ELP4: variants seen among roughly 807,000 people sequenced by gnomAD.
ELP4 encodes the protein elongator acetyltransferase complex subunit 4, also known as elongator complex protein 4.
A neutral mutation model predicts 48.9 loss-of-function variants in ELP4; 51 were observed. That is an observed-to-expected ratio of 1.04 (90% confidence interval 0.83 to 1.32). The LOEUF (loss-of-function observed/expected upper bound fraction) is 1.32, where lower values mean the gene tolerates loss of function less well. ELP4 is among the 40% of genes most tolerant of loss of function. The pLI, the probability that ELP4 is intolerant of heterozygous loss-of-function variation, is 0.00. For synonymous variants in ELP4, 210 were observed against 189.2 expected (o/e 1.11, Z -0.90); for missense variants, 519 against 514.6 (o/e 1.01, Z -0.08).
chr11:31,732,628 G>C (rs1947217241), intron 9 of ELP4, among the ~76,000 whole-genome samples: 1 of 152,108 alleles, frequency 6.6e-6, no homozygotes, highest in African/African-American at 2.4e-5. Flanking sequence ...GGCTGAATGA[G>C]TTTTAAAAAT....
At chr11:31,676,515 A>G (rs1214218760) in intron 9 of ELP4, among the ~76,000 whole-genome samples, 1 of 152,330 alleles carries the variant, frequency 6.6e-6, no homozygotes, top group East Asian at 1.9e-4. Context: ...AGTATCTTAC[A>G]TACGATAAGG....
intron 1 of ELP4, 49 bp from the exon 2 acceptor site, chr11:31,520,007 G>A (rs1956187055): frequency 3.1e-6 from 5 of 1,591,760 alleles, no homozygotes; most frequent in Non-Finnish European, 4.3e-6. Context: ...TATGCTAAAG[G>A]TAATGGAAAA....
At chr11:31,633,617 G>C (rs1025841672) in intron 7 of ELP4, 3 of 151,932 alleles carry the variant, frequency 2.0e-5, no homozygotes, top group Non-Finnish European at 4.4e-5. Flanking sequence ...AATCATGCTA[G>C]ACATTGTATA....
intron 7 of ELP4, among the ~76,000 whole-genome samples, chr11:31,639,504 T>G (rs1405162315): frequency 1.3e-5 from 2 of 151,912 alleles, no homozygotes; most frequent in African/African-American, 4.8e-5. Flanking sequence ...ACCCGGTTAA[T>G]TTTTAAAGTC....
intron 9 of ELP4, among the ~76,000 whole-genome samples, chr11:31,672,478 G>A (rs1461420790): frequency 6.6e-6 from 1 of 152,116 alleles, no homozygotes; most frequent in Non-Finnish European, 1.5e-5. Context: ...GATTTTTATT[G>A]AGCATATGTG....
In ELP4 at chr11:31,786,934, C is replaced by G. The variant is rs1948680528; in HGVS notation, c.*3410C>G. 2 of 220,204 alleles carry G rather than the reference C, an allele frequency of 9.1e-6. No individual in the cohort carries two copies. Among genetic ancestry groups the G allele is most frequent in the African/African-American group, 4.5e-5 (2 of 44,632 alleles). 13.6% of individuals were successfully genotyped at this position (220,204 alleles called of 1,614,324 possible). A position where few individuals can be genotyped will look rare whatever the true frequency, so the allele number is the denominator to read the frequency against. On this transcript the variant is annotated 3_prime_UTR_variant, in exon 10 of 10. Transcript: ENST00000640961. ...TTTAGTCCTGGGATTCTACTGAAGT[C>G]TTCACAAATAATCTCCATCCTGGAA... is the stretch of plus-strand genomic sequence containing the variant.
chr11:31,594,889 A>G lies in ELP4; in HGVS notation c.501A>G (p.Leu167=), dbSNP rs781242171. The G allele has an allele frequency of 5.1e-6, 8 of 1,557,124 alleles. No individual in the cohort carries two copies. The Admixed American group carries it at 6.6e-5, about 13-fold the overall frequency. Residue 167 remains leucine, a synonymous_variant, in exon 4 of 10, where the codon TTA becomes TTG. Transcript: ENST00000640961. ...KMKIAWRYQL[L]PKMEIGPVSS... is the part of the protein sequence containing the mutation. ...AAATAGCTTGGCGTTACCAGTTATT[A>G]CCCAAGATGGAGGCAAGTAAACATA...
At chr11:31,532,733 C>A (rs150830491) in intron 2 of ELP4, among the ~76,000 whole-genome samples, 28 of 145,052 alleles carry the variant, frequency 1.9e-4, no homozygotes, top group African/African-American at 6.6e-4. Context: ...TTTTTATGTT[C>A]TCAGGGTGTA....
At chr11:31,761,077 G>A (rs1430125159) in intron 9 of ELP4, among the ~76,000 whole-genome samples, 1 of 152,066 alleles carries the variant, frequency 6.6e-6, no homozygotes, top group African/African-American at 2.4e-5. Context: ...CAACTCAATG[G>A]CAAGGCTGTT....
intron 9 of ELP4, among the ~76,000 whole-genome samples, chr11:31,706,810 A>G (rs915685345): frequency 6.6e-6 from 1 of 152,000 alleles, no homozygotes; most frequent in African/African-American, 2.4e-5. Context: ...TTTAGCTCCC[A>G]CATATGAGTG....
intron 9 of ELP4, among the ~76,000 whole-genome samples, chr11:31,764,719 G>A (rs1268479898): frequency 6.6e-6 from 1 of 152,100 alleles, no homozygotes; most frequent in African/African-American, 2.4e-5. Flanking sequence ...TTTTCTGAAG[G>A]TGATTACAGA....
At chr11:31,531,116 C>G (rs766607420) in intron 2 of ELP4, among the ~76,000 whole-genome samples, 3 of 152,106 alleles carry the variant, frequency 2.0e-5, no homozygotes, top group Non-Finnish European at 2.9e-5. Context: ...TTTTGCTAAT[C>G]CCTAAGTAGG....
intron 1 of ELP4, among the ~76,000 whole-genome samples, chr11:31,517,573 T>C (rs1466458229): frequency 6.6e-6 from 1 of 152,154 alleles, no homozygotes; most frequent in Non-Finnish European, 1.5e-5. Flanking sequence ...CAGATTTGTA[T>C]ACAAAAAACA....
chr11:31,582,379 C>T (rs1281757534), intron 3 of ELP4, among the ~76,000 whole-genome samples: 4 of 152,120 alleles, frequency 2.6e-5, no homozygotes, highest in South Asian at 4.1e-4. Flanking sequence ...GATTTGACCA[C>T]GTTGATCTGG....
intron 9 of ELP4, among the ~76,000 whole-genome samples, chr11:31,680,360 T>A (rs1052561191): frequency 2.1e-4 from 32 of 152,204 alleles, no homozygotes; most frequent in African/African-American, 7.5e-4. Context: ...AATCCCATGT[T>A]GCTAAAATGA....
At chr11:31,743,160 A>G (rs1053173936) in intron 9 of ELP4, among the ~76,000 whole-genome samples, 25 of 152,222 alleles carry the variant, frequency 1.6e-4, no homozygotes, top group African/African-American at 6.0e-4. Context: ...AGACCATTAC[A>G]TAATGGTAAA....
At chr11:31,673,978 A>T (rs1945863293) in intron 9 of ELP4, among the ~76,000 whole-genome samples, 2 of 152,216 alleles carry the variant, frequency 1.3e-5, no homozygotes, top group South Asian at 4.1e-4. Flanking sequence ...CATGTTAGAG[A>T]ACTGCTTGCT....
At chr11:31,523,816 G>A (rs1349537369) in intron 2 of ELP4, among the ~76,000 whole-genome samples, 1 of 152,106 alleles carries the variant, frequency 6.6e-6, no homozygotes, top group Non-Finnish European at 1.5e-5. Flanking sequence ...AATAGGCTTT[G>A]AGATGTTTTA....
At chr11:31,768,826 C>T (rs1948087216) in intron 9 of ELP4, among the ~76,000 whole-genome samples, 1 of 152,144 alleles carries the variant, frequency 6.6e-6, no homozygotes, top group South Asian at 2.1e-4. Context: ...ATAAAGTAAC[C>T]AAGATTTCCT....
Sources: allele counts gnomAD v4.1 joint callset (sites outside exome capture counted in the v4.1 genomes callset), GRCh38; gene constraint gnomAD v4.1.1; transcripts MANE v1.5; gene names NCBI Gene and HGNC (gene_info 2026-07-23, HGNC 2026-07-21).